Variants in CKAP5 observed in about 807,000 individuals in gnomAD.
The protein encoded by CKAP5 is cytoskeleton-associated protein 5.
CKAP5 carries 27 observed loss-of-function variants against 232.8 expected under a neutral mutation model. The ratio of observed to expected loss-of-function variants is 0.12; its 90% confidence interval spans 0.09 to 0.16. The LOEUF (loss-of-function observed/expected upper bound fraction) is 0.16, where lower values mean the gene tolerates loss of function less well. Among genes scored for constraint, CKAP5 ranks in the 10% least tolerant of loss-of-function variants. CKAP5 has a pLI of 1.00. For synonymous variants in CKAP5, 785 were observed against 841.1 expected, an observed-to-expected ratio of 0.93 and a Z score of 1.16; for missense variants, 1,838 against 2,424.7, an observed-to-expected ratio of 0.76 and a Z score of 5.08.
At chr11:46,757,727 A>G (rs886068544) in intron 35 of CKAP5, among the ~76,000 whole-genome samples, 18 of 133,668 alleles carry the variant, frequency 1.3e-4, no homozygotes, top group Non-Finnish European at 2.1e-4. Context: ...AGCTGGGACT[A>G]TAGGCGTGCG....
intron 37 of CKAP5, 141 bp downstream of exon 37, chr11:46,753,169 T>TC: frequency 1.7e-6 from 1 of 603,190 alleles, no homozygotes; most frequent in Non-Finnish European, 2.9e-6. Flanking sequence ...ATAACTGATG[T>TC]AGCTATAACT....
At chr11:46,761,706 AG>A (rs1204315726) in intron 32 of CKAP5, among the ~76,000 whole-genome samples, 1 of 152,246 alleles carries the variant, frequency 6.6e-6, no homozygotes, top group Non-Finnish European at 1.5e-5. Flanking sequence ...GCAGACTGCC[AG>A]GCAGAATTTA....
intron 4 of CKAP5, among the ~76,000 whole-genome samples, chr11:46,812,115 TG>T (rs1939287250): frequency 6.6e-6 from 1 of 152,144 alleles, no homozygotes; most frequent in Admixed American, 6.5e-5. Context: ...GTAGATCACC[TG>T]GGGTCAGAAG....
intron 1 of CKAP5, among the ~76,000 whole-genome samples, chr11:46,839,990 T>G (rs1478354692): frequency 6.6e-6 from 1 of 151,834 alleles, no homozygotes; most frequent in East Asian, 1.9e-4. Context: ...AATACAAAAA[T>G]TAGCATGTGC....
intron 15 of CKAP5, among the ~76,000 whole-genome samples, chr11:46,789,733 T>C (rs926759070): frequency 6.0e-4 from 91 of 151,972 alleles, no homozygotes; most frequent in African/African-American, 2.2e-3. Context: ...CAGGTGGAGC[T>C]TGCAGTGAGC....
intron 1 of CKAP5, among the ~76,000 whole-genome samples, chr11:46,823,023 C>T (rs1201337467): frequency 6.6e-6 from 1 of 151,968 alleles, no homozygotes. Flanking sequence ...GGAATGAACA[C>T]GATCTTGGCT....
intron 18 of CKAP5, among the ~76,000 whole-genome samples, chr11:46,782,904 G>A (rs1356708138): frequency 2.0e-5 from 3 of 152,226 alleles, no homozygotes; most frequent in African/African-American, 7.2e-5. Flanking sequence ...AGTTAAACAA[G>A]CTCTTCTATT....
chr11:46,790,390 C>T, intron 14 of CKAP5, 80 bp downstream of exon 14: 1 of 1,076,218 alleles, frequency 9.3e-7, no homozygotes. Context: ...CGTTGTAGAA[C>T]CCAGCAAAGA....
chr11:46,808,228 G>T, intron 7 of CKAP5, 84 bp from the exon 8 acceptor site: 1 of 912,886 alleles, frequency 1.1e-6, no homozygotes. Flanking sequence ...CTAATTCAAA[G>T]ATACATAATT....
intron 37 of CKAP5, among the ~76,000 whole-genome samples, 165 bp from the exon 38 acceptor site, chr11:46,752,875 A>C (rs1397030914): frequency 2.0e-5 from 3 of 152,222 alleles, no homozygotes; most frequent in African/African-American, 7.2e-5. Context: ...GAAAATAAAC[A>C]TTGTTTAAGC....
At chr11:46,799,547 A>C (rs541954372) in intron 9 of CKAP5, among the ~76,000 whole-genome samples, 1 of 152,360 alleles carries the variant, frequency 6.6e-6, no homozygotes, top group Non-Finnish European at 1.5e-5. Flanking sequence ...CATGCTTGAT[A>C]CTAAACACCG....
chr11:46,790,623 G>T (rs748030741), intron 13 of CKAP5, 40 bp from the exon 14 acceptor site: 2 of 1,362,430 alleles, frequency 1.5e-6, no homozygotes, highest in Non-Finnish European at 2.0e-6. Flanking sequence ...ACCACCTAAG[G>T]ATTTAAAATA....
In CKAP5 at chr11:46,762,661, T is replaced by C; in HGVS notation, c.3993A>G (p.Glu1331=). Reference sequence around the variant, plus strand: ...GCTTAGAGTTTTTGGATTTGGTTCCTTCCATGATAAAGGGAAACATCTTGC... The same window carrying C: ...GCTTAGAGTTTTTGGATTTGGTTCCCTCCATGATAAAGGGAAACATCTTGC... ...PASKMFPFIM[E]GTKSKNSKQR... The change falls in exon 31 of 44, where the codon GAA becomes GAG. Residue 1331 remains glutamate, a synonymous_variant. Coordinates refer to ENST00000529230, the MANE Select transcript of CKAP5 (RefSeq NM_001008938.4). 6.2e-7 allele frequency: 1 copy of C among 1,614,202 alleles called. No homozygotes were observed. Among genetic ancestry groups the C allele is most frequent in the Non-Finnish European group, 8.5e-7 (1 of 1,180,002 alleles).
intron 27 of CKAP5, among the ~76,000 whole-genome samples, chr11:46,767,331 CAATAAAGTA>C (rs1394931247): frequency 6.6e-6 from 1 of 151,994 alleles, no homozygotes; most frequent in Non-Finnish European, 1.5e-5. Context: ...TTTCTTCTTT[CAATAAAGTA>C]AATCTTTCCC....
intron 32 of CKAP5, among the ~76,000 whole-genome samples, chr11:46,761,515 T>C (rs2065155029): frequency 6.6e-6 from 1 of 152,104 alleles, no homozygotes; most frequent in African/African-American, 2.4e-5. Flanking sequence ...CACTATGAGG[T>C]AACTGAAGAC....
chr11:46,755,126 G>T (rs2065100757), intron 35 of CKAP5, 59 bp from the exon 36 acceptor site: 3 of 1,334,398 alleles, frequency 2.2e-6, no homozygotes, highest in Admixed American at 2.5e-5. Flanking sequence ...AATAGCGGAA[G>T]ACACTATATG....
At chr11:46,766,972 C>CTT (rs770601669) in intron 27 of CKAP5, among the ~76,000 whole-genome samples, 17 of 151,838 alleles carry the variant, frequency 1.1e-4, no homozygotes, top group Non-Finnish European at 2.5e-4. Flanking sequence ...ACTTCCTTTT[C>CTT]TTAAATCCAA....
intron 26 of CKAP5, among the ~76,000 whole-genome samples, chr11:46,768,503 G>A (rs1175125899): frequency 1.3e-5 from 2 of 152,088 alleles, no homozygotes; most frequent in Non-Finnish European, 2.9e-5. Context: ...TAAAGGTAAA[G>A]ACATCTTTGA....
intron 16 of CKAP5, among the ~76,000 whole-genome samples, chr11:46,787,809 T>C (rs1481914528): frequency 1.3e-5 from 2 of 152,210 alleles, no homozygotes; most frequent in African/African-American, 4.8e-5. Flanking sequence ...AGTTGACCCT[T>C]GAACAACATG....
Sources: allele counts gnomAD v4.1 joint callset (sites outside exome capture counted in the v4.1 genomes callset), GRCh38; gene constraint gnomAD v4.1.1; transcripts MANE v1.5; gene names NCBI Gene and HGNC (gene_info 2026-07-23, HGNC 2026-07-21).